Variants in CDH13 observed in about 807,000 individuals in gnomAD.
The protein encoded by CDH13 is cadherin-13.
CDH13 carries 24 observed loss-of-function variants against 63.8 expected under a neutral mutation model. The ratio of observed to expected loss-of-function variants is 0.38; its 90% CI spans 0.27 to 0.53. CDH13 has a LOEUF of 0.53. Ranked by LOEUF, CDH13 falls within the 20% of genes least tolerant of loss-of-function variation. CDH13 has a pLI of 0.85. For synonymous variants in CDH13, 503 were observed against 355.3 expected (o/e 1.42, Z -4.67); for missense variants, 1,049 against 903.1 (o/e 1.16, Z -2.07).
chr16:83,708,764 C>A (rs964073294), intron 10 of CDH13, among the ~76,000 whole-genome samples: 2 of 152,200 alleles, frequency 1.3e-5, no homozygotes, highest in Admixed American at 6.5e-5. Context: ...GTGGCTCATG[C>A]CTGTAATTCC....
intron 11 of CDH13, among the ~76,000 whole-genome samples, chr16:83,759,717 A>C (rs1913804162): frequency 6.6e-6 from 1 of 152,104 alleles, no homozygotes; most frequent in Admixed American, 6.6e-5. Context: ...ACTTGAGCCA[A>C]GGAGTTTGAG....
chr16:83,664,549 T>A (rs1327088008), intron 8 of CDH13, among the ~76,000 whole-genome samples: 1 of 139,188 alleles, frequency 7.2e-6, no homozygotes, highest in Non-Finnish European at 1.6e-5. Flanking sequence ...ATATTATATA[T>A]GTGTGTATAT....
intron 6 of CDH13, among the ~76,000 whole-genome samples, chr16:83,441,782 G>A (rs1053193390): frequency 3.9e-5 from 6 of 152,282 alleles, no homozygotes; most frequent in Admixed American, 2.0e-4. Flanking sequence ...GAGTAAATGT[G>A]ATGATGATTC....
At chr16:83,529,548 C>G (rs2075036905) in intron 7 of CDH13, among the ~76,000 whole-genome samples, 2 of 151,988 alleles carry the variant, frequency 1.3e-5, no homozygotes, top group African/African-American at 4.8e-5. Context: ...ACACAGCTTA[C>G]ATAAAGAAAT....
At chr16:83,121,033 AT>A (rs1266542573) in intron 3 of CDH13, among the ~76,000 whole-genome samples, 1 of 152,096 alleles carries the variant, frequency 6.6e-6, no homozygotes, top group African/African-American at 2.4e-5. Context: ...AAGTGCTGGG[AT>A]TACAGGCGTG....
intron 2 of CDH13, among the ~76,000 whole-genome samples, chr16:82,997,986 G>T (rs1038682109): frequency 1.3e-5 from 2 of 152,160 alleles, no homozygotes; most frequent in African/African-American, 4.8e-5. Context: ...CTGTATAGAA[G>T]ATATCAGTGT....
At chr16:82,896,148 G>A (rs1323575553) in intron 2 of CDH13, among the ~76,000 whole-genome samples, 1 of 152,108 alleles carries the variant, frequency 6.6e-6, no homozygotes, top group Non-Finnish European at 1.5e-5. Context: ...CCCTGTAGAA[G>A]TATAGGCTTC....
chr16:83,012,575 T>C (rs982338536), intron 2 of CDH13, among the ~76,000 whole-genome samples: 2 of 152,144 alleles, frequency 1.3e-5, no homozygotes, highest in Non-Finnish European at 2.9e-5. Context: ...AAACTATATA[T>C]ATATGACAAA....
chr16:83,596,291 A>G (rs1033353551), intron 7 of CDH13, among the ~76,000 whole-genome samples: 1 of 152,200 alleles, frequency 6.6e-6, no homozygotes, highest in African/African-American at 2.4e-5. Context: ...TTTCCTCCCA[A>G]AACATTCAAG....
At chr16:83,438,675 C>T (rs1043455884) in intron 6 of CDH13, among the ~76,000 whole-genome samples, 1 of 152,214 alleles carries the variant, frequency 6.6e-6, no homozygotes, top group Non-Finnish European at 1.5e-5. Flanking sequence ...GTATATAGTA[C>T]GTTCTTTCCC....
intron 1 of CDH13, among the ~76,000 whole-genome samples, chr16:82,755,224 G>C (rs2034569129): frequency 6.6e-6 from 1 of 152,190 alleles, no homozygotes; most frequent in African/African-American, 2.4e-5. Context: ...TTTCTCTGCA[G>C]CTTGAGCCTC....
At chr16:83,345,449 C>T (rs767397326) in intron 6 of CDH13, among the ~76,000 whole-genome samples, 4 of 152,156 alleles carry the variant, frequency 2.6e-5, no homozygotes, top group Non-Finnish European at 2.9e-5. Context: ...TCTTCCCTTC[C>T]CTTAGAAGAT....
At chr16:83,724,175 AGTGATAAATGCATGGGTGG>A (rs1567551981) in intron 10 of CDH13, among the ~76,000 whole-genome samples, 3 of 141,174 alleles carry the variant, frequency 2.1e-5, no homozygotes, top group Non-Finnish European at 3.1e-5. Context: ...TACATGGGTG[AGTGATAAATGCATGGGTGG>A]GTGATGAATG....
intron 7 of CDH13, among the ~76,000 whole-genome samples, chr16:83,563,843 C>T (rs933773213): frequency 1.3e-5 from 2 of 152,162 alleles, no homozygotes; most frequent in African/African-American, 4.8e-5. Context: ...AACTTGGCAC[C>T]ACTACTATCC....
At chr16:82,667,368 CTGAT>C (rs1912715382) in intron 1 of CDH13, among the ~76,000 whole-genome samples, 2 of 152,194 alleles carry the variant, frequency 1.3e-5, no homozygotes, top group South Asian at 4.1e-4. Flanking sequence ...CCAAGTGCAA[CTGAT>C]TGAGAGGTTT....
At chr16:82,938,948 A>T (rs1234489403) in intron 2 of CDH13, among the ~76,000 whole-genome samples, 1 of 152,140 alleles carries the variant, frequency 6.6e-6, no homozygotes, top group East Asian at 1.9e-4. Context: ...CCAGAGGGGC[A>T]TCACACCTGC....
At chr16:82,679,422 G>A (rs1336688690) in intron 1 of CDH13, among the ~76,000 whole-genome samples, 1 of 152,174 alleles carries the variant, frequency 6.6e-6, no homozygotes, top group African/African-American at 2.4e-5. Context: ...TCAAAGGTTT[G>A]CAAAGATTTA....
intron 4 of CDH13, among the ~76,000 whole-genome samples, chr16:83,184,600 C>G (rs772427021): frequency 6.6e-6 from 1 of 152,150 alleles, no homozygotes; most frequent in East Asian, 1.9e-4. Flanking sequence ...ACTAAAAATA[C>G]AAAAATTACC....
At chr16:83,374,534 T>C (rs1480519958) in intron 6 of CDH13, among the ~76,000 whole-genome samples, 1 of 152,212 alleles carries the variant, frequency 6.6e-6, no homozygotes, top group Non-Finnish European at 1.5e-5. Context: ...ACTTGAGTTT[T>C]CCTGGGTTGT....
Sources: allele counts gnomAD v4.1 joint callset (sites outside exome capture counted in the v4.1 genomes callset), GRCh38; gene constraint gnomAD v4.1.1; transcripts MANE v1.5; gene names NCBI Gene and HGNC (gene_info 2026-07-23, HGNC 2026-07-21).